The following ROBO3 variants were observed in gnomAD, a reference collection of about 807,000 sequenced individuals.
ROBO3 encodes the protein roundabout homolog 3.
Under a neutral mutation model 160.5 loss-of-function variants are expected in ROBO3, and 97 were observed. The observed-to-expected ratio is 0.60, with a 90% confidence interval of 0.51 to 0.72. The LOEUF is 0.72. Ranked by LOEUF, ROBO3 falls within the 30% of genes least tolerant of loss-of-function variation. ROBO3 has a pLI of 0.00. For synonymous variants in ROBO3, 780 were observed against 746.2 expected (o/e 1.05, Z -0.74); for missense variants, 1,858 against 1,846.5 (o/e 1.01, Z -0.11).
chr11:124,872,309 G>T lies in ROBO3; in HGVS notation c.1159-72G>T. On this transcript the variant is annotated intron_variant, in intron 7 of 27. Coordinates refer to ENST00000397801, the MANE Select transcript of ROBO3 (RefSeq NM_022370.4). This position sits in a 1 kb window ranked among gnomAD's most constrained non-coding sequence, Gnocchi z 4.3. ...TAGGAATTCTCTGAATTTTGAGATT[G>T]ACAGGAATGGGGACCTCTCCCTGCC... is the stretch of plus-strand genomic sequence containing the variant. 1 of 1,344,644 alleles carries T rather than the reference G, an allele frequency of 7.4e-7. No individual in the cohort carries two copies. The highest frequency in any genetic ancestry group is 1.2e-5 in the South Asian group (1 of 85,188). The allele number at this position is 1,344,644 out of a possible 1,614,324, so 83.3% of individuals were successfully genotyped here. A position where few individuals can be genotyped will look rare whatever the true frequency, so the allele number is the denominator to read the frequency against.
In ROBO3 at chr11:124,876,369, C is replaced by G. The variant is rs984508232; in HGVS notation, c.2688C>G (p.Gly896=). ...RVLREPAFLA[G]SGAACGALLL... ...TGCGGGAGCCCGCCTTCCTCGCGGG[C>G]AGCGGCGCAGCCTGCGGGGCGCTGC... Residue 896 remains glycine, a synonymous_variant, in exon 17 of 28, where the codon GGC becomes GGG. Transcript: ENST00000397801. This position sits in a 1 kb window ranked among gnomAD's most constrained non-coding sequence, Gnocchi z 5.3. 1 of 1,437,908 alleles carries G rather than the reference C, an allele frequency of 7.0e-7. No individual in the cohort carries two copies. Among genetic ancestry groups the G allele is most frequent in the Non-Finnish European group, 9.1e-7 (1 of 1,104,012 alleles). 89.1% of individuals were successfully genotyped at this position (1,437,908 alleles called of 1,614,324 possible).
chr11:124,873,448 A>AG lies in ROBO3; in HGVS notation c.1618+57_1618+58insG. On this transcript the variant is annotated intron_variant, in intron 10 of 27. Coordinates refer to ENST00000397801, the MANE Select transcript of ROBO3 (RefSeq NM_022370.4). The surrounding 1 kb of genome is among the most constrained non-coding windows in gnomAD (Gnocchi z 4.5). Reference sequence around the variant, plus strand: ...AATACCTTCCTCCAAACCTGCTTCAACAGGTAGTCGATACCTCCTCAAACT... The same window carrying AG: ...AATACCTTCCTCCAAACCTGCTTCAAGCAGGTAGTCGATACCTCCTCAAACT... The AG allele has an allele frequency of 3.5e-6, 5 of 1,424,932 alleles. No homozygotes were observed. The highest frequency in any genetic ancestry group is 1.2e-5 in the South Asian group (1 of 82,380). 88.3% of individuals were successfully genotyped at this position (1,424,932 alleles called of 1,614,324 possible).
chr11:124,871,154 C>T lies in ROBO3; in HGVS notation c.1158+16C>T. The T allele has an allele frequency of 5.0e-6, 8 of 1,605,794 alleles. No individual in the cohort carries two copies. Among genetic ancestry groups the T allele is most frequent in the South Asian group, 4.4e-5 (4 of 90,678 alleles). On this transcript the variant is annotated intron_variant, in intron 7 of 27. Coordinates refer to ENST00000397801, the MANE Select transcript of ROBO3 (RefSeq NM_022370.4). ...GGGGAGTCAGGTGGGTGGCCATCTC[C>T]AAGGAGCTTCCCATCAGCCTTCCTC...
chr11:124,880,242 T>C (rs1468046874), intron 26 of ROBO3, among the ~76,000 whole-genome samples, 176 bp from the exon 27 acceptor site: 4 of 152,162 alleles, frequency 2.6e-5, no homozygotes, highest in African/African-American at 9.7e-5. Context: ...TGAGCACCCA[T>C]GATGTCAAGG....
rs528890838 is a variant in ROBO3, at chr11:124,876,660, C to T, written c.2779+200C>T. 17 of 491,624 alleles carry T rather than the reference C, an allele frequency of 3.5e-5. No individual in the cohort carries two copies. Among genetic ancestry groups the T allele is most frequent in the African/African-American group, 3.2e-4 (16 of 49,874 alleles). 30.5% of individuals were successfully genotyped at this position (491,624 alleles called of 1,614,324 possible). On this transcript the variant is annotated intron_variant, in intron 17 of 27. Coordinates refer to ENST00000397801, the MANE Select transcript of ROBO3 (RefSeq NM_022370.4). This position sits in a 1 kb window ranked among gnomAD's most constrained non-coding sequence, Gnocchi z 5.3. Reference sequence around the variant, plus strand: ...GACTAGGGAGGGCTGCGGGCCAAGACGGGGCGGGATCTGGATGACGTTTGC... The same window carrying T: ...GACTAGGGAGGGCTGCGGGCCAAGATGGGGCGGGATCTGGATGACGTTTGC...
chr11:124,877,730 C>T (rs573710735), intron 20 of ROBO3, 72 bp downstream of exon 20: 4 of 1,558,286 alleles, frequency 2.6e-6, no homozygotes, highest in African/African-American at 1.4e-5. Context: ...CCGAAGGGCG[C>T]CCGGGAGCCC....
rs1338728659 is a variant in ROBO3, at chr11:124,881,396, C to T, written c.*146C>T. 5.4e-6 allele frequency: 4 copies of T among 739,498 alleles called. No homozygotes were observed. The highest frequency in any genetic ancestry group is 9.0e-6 in the Non-Finnish European group (4 of 442,002). 45.8% of individuals were successfully genotyped at this position (739,498 alleles called of 1,614,324 possible). On this transcript the variant is annotated 3_prime_UTR_variant, in exon 28 of 28. Transcript: ENST00000397801. ...TGGCTGAGAAGGCAGAGAGCTAGCTCCTCCCTTTCTTTCTTTTTCCACCTG... is the reference window on the plus strand; with the variant it reads ...TGGCTGAGAAGGCAGAGAGCTAGCTTCTCCCTTTCTTTCTTTTTCCACCTG...
chr11:124,870,495 T>G, intron 5 of ROBO3, 106 bp from the exon 6 acceptor site: 1 of 1,554,870 alleles, frequency 6.4e-7, no homozygotes, highest in Non-Finnish European at 8.7e-7. Context: ...CTGTCCCTGC[T>G]GGGTCCTGCC....
At chr11:124,866,283 A>C (rs967710593) in intron 1 of ROBO3, among the ~76,000 whole-genome samples, 1 of 151,924 alleles carries the variant, frequency 6.6e-6, no homozygotes, top group Non-Finnish European at 1.5e-5. Flanking sequence ...CAGCGGCGGG[A>C]CTCTCAGCCG....
Position 124,872,599 on chromosome 11 carries a change from TA to T in ROBO3, c.1330+49del. On this transcript the variant is annotated intron_variant, in intron 8 of 27. Transcript: ENST00000397801. This position sits in a 1 kb window ranked among gnomAD's most constrained non-coding sequence, Gnocchi z 4.3. ...ACTGGATCCATGGCTTGGGAGGAAA[TA>T]ATGGCCTAAAGTGATGTGTTTCTCT... is the stretch of plus-strand genomic sequence containing the variant. The T allele has an allele frequency of 6.4e-7, 1 of 1,560,198 alleles. No individual in the cohort carries two copies. The highest frequency in any genetic ancestry group is 2.3e-5 in the East Asian group (1 of 44,402).
chr11:124,869,274 GC>G lies in ROBO3; in HGVS notation c.487+148del. 1 of 1,119,460 alleles carries G rather than the reference GC, an allele frequency of 8.9e-7. No homozygotes were observed. Among genetic ancestry groups the G allele is most frequent in the Non-Finnish European group, 1.3e-6 (1 of 759,774 alleles). The allele number at this position is 1,119,460 out of a possible 1,614,324, so 69.3% of individuals were successfully genotyped here. ...GGACCGCGACCTTTGATCTCTAATGGCCACACCACGGCCAGAGAAGGAAGTG... is the reference window on the plus strand; with the variant it reads ...GGACCGCGACCTTTGATCTCTAATGGCACACCACGGCCAGAGAAGGAAGTG... On this transcript the variant is annotated intron_variant, in intron 2 of 27. Coordinates refer to ENST00000397801, the MANE Select transcript of ROBO3 (RefSeq NM_022370.4). The surrounding 1 kb of genome is among the most constrained non-coding windows in gnomAD (Gnocchi z 4.2).
In ROBO3 at chr11:124,869,212, C is replaced by A; in HGVS notation, c.487+84C>A. 7 of 1,386,200 alleles carry A rather than the reference C, an allele frequency of 5.0e-6. No homozygotes were observed. The highest frequency in any genetic ancestry group is 4.9e-6 in the Non-Finnish European group (5 of 1,016,296). 85.9% of individuals were successfully genotyped at this position (1,386,200 alleles called of 1,614,324 possible). A position where few individuals can be genotyped will look rare whatever the true frequency, so the allele number is the denominator to read the frequency against. ...ACTGGGCAATCAGACCCAGAACCAG[C>A]CCCAAAGGACTTCAGCCCACTCAGC... On this transcript the variant is annotated intron_variant, in intron 2 of 27. Transcript: ENST00000397801. This position sits in a 1 kb window ranked among gnomAD's most constrained non-coding sequence, Gnocchi z 4.2.
intron 12 of ROBO3, 25 bp downstream of exon 12, chr11:124,874,261 T>A (rs752571333): frequency 9.4e-6 from 15 of 1,596,166 alleles, no homozygotes; most frequent in South Asian, 5.6e-5. Context: ...CCTGGGCTCA[T>A]GAGCATGAAA....
intron 15 of ROBO3, 112 bp from the exon 16 acceptor site, chr11:124,875,842 T>G: frequency 6.9e-7 from 1 of 1,457,516 alleles, no homozygotes; most frequent in Non-Finnish European, 9.5e-7. Flanking sequence ...AAGTGTTGTT[T>G]CCAGGTTGAA....
In ROBO3 at chr11:124,873,584, C is replaced by A. The variant is rs2135330523; in HGVS notation, c.1619-113C>A. Reference sequence around the variant, plus strand: ...GAGTAGGGGTTCATATACTATAGCCCACTCTGACCATCACCGCAGCTCAGA... The same window carrying A: ...GAGTAGGGGTTCATATACTATAGCCAACTCTGACCATCACCGCAGCTCAGA... On this transcript the variant is annotated intron_variant, in intron 10 of 27. Transcript: ENST00000397801. The surrounding 1 kb of genome is among the most constrained non-coding windows in gnomAD (Gnocchi z 4.5). The A allele has an allele frequency of 9.2e-7, 1 of 1,082,468 alleles. No individual in the cohort carries two copies. The highest frequency in any genetic ancestry group is 1.3e-6 in the Non-Finnish European group (1 of 753,872). 67.1% of individuals were successfully genotyped at this position (1,082,468 alleles called of 1,614,324 possible). A position where few individuals can be genotyped will look rare whatever the true frequency, so the allele number is the denominator to read the frequency against.
At chr11:124,874,007 G>A in intron 11 of ROBO3, 63 bp from the exon 12 acceptor site, 1 of 1,602,748 alleles carries the variant, frequency 6.2e-7, no homozygotes. Flanking sequence ...GAGTGGATGA[G>A]ATGGAGTAGG....
At chr11:124,870,828 G>A (rs1946271556) in intron 6 of ROBO3, 100 bp downstream of exon 6, 6 of 1,549,686 alleles carry the variant, frequency 3.9e-6, no homozygotes, top group Non-Finnish European at 3.5e-6. Context: ...AGAAGGGCAT[G>A]TGGATGGAAC....
At chr11:124,870,825 C>A in intron 6 of ROBO3, 97 bp downstream of exon 6, 1 of 1,547,618 alleles carries the variant, frequency 6.5e-7, no homozygotes, top group South Asian at 1.2e-5. Flanking sequence ...CAGAGAAGGG[C>A]ATGTGGATGG....
In ROBO3 at chr11:124,878,962, CAA is replaced by C; in HGVS notation, c.3533+167_3533+168del. The C allele has an allele frequency of 1.3e-6, 1 of 766,954 alleles. No homozygotes were observed. The highest frequency in any genetic ancestry group is 2.1e-6 in the Non-Finnish European group (1 of 477,496). 47.5% of individuals were successfully genotyped at this position (766,954 alleles called of 1,614,324 possible). A position where few individuals can be genotyped will look rare whatever the true frequency, so the allele number is the denominator to read the frequency against. On this transcript the variant is annotated intron_variant, in intron 23 of 27. Coordinates refer to ENST00000397801, the MANE Select transcript of ROBO3 (RefSeq NM_022370.4). This position sits in a 1 kb window ranked among gnomAD's most constrained non-coding sequence, Gnocchi z 4.3. ...ATTTGGGCAGGAATATGGAGGCTGACAAGATCTCTCATGCCCATTAGACTGGC... is the reference window on the plus strand; with the variant it reads ...ATTTGGGCAGGAATATGGAGGCTGACGATCTCTCATGCCCATTAGACTGGC...
Sources: gnomAD v4.1 joint callset for allele counts (sites outside exome capture counted in the v4.1 genomes callset) on GRCh38, gnomAD v4.1.1 for gene constraint, Gnocchi (gnomAD v3.1) non-coding constraint, MANE v1.5 for transcripts, NCBI Gene and HGNC (gene_info 2026-07-23, HGNC 2026-07-21) for gene names.